MRPL37: variants seen among roughly 807,000 people sequenced by gnomAD.
MRPL37 encodes large ribosomal subunit protein mL37.
Under a neutral mutation model 44.1 loss-of-function variants are expected in MRPL37, and 34 were observed. The observed-to-expected ratio is 0.77, with a 90% CI of 0.59 to 1.03. MRPL37 has a LOEUF of 1.03. Ranked by LOEUF, MRPL37 falls within the 50% of genes least tolerant of loss-of-function variation. The pLI, the probability that MRPL37 is intolerant of heterozygous loss-of-function variation, is 0.00. For missense variants in MRPL37, 532 were observed against 543.7 expected, an observed-to-expected ratio of 0.98 and a Z score of 0.21; for synonymous variants, 212 against 219.5, an observed-to-expected ratio of 0.97 and a Z score of 0.30.
Position 54,205,048 on chromosome 1 carries a change from C to T in MRPL37, c.377C>T (p.Thr126Ile), listed in dbSNP as rs1242364212. ...GVKQALWLTK[T>I]KLIEGLPEKV... ...AAGCAGGCCCTCTGGCTCACCAAGA[C>T]CAAGTTAATAGAAGGCCTTCCCGAG... Residue 126 changes from threonine (T) to isoleucine (I), a missense_variant, in exon 2 of 7, where the codon ACC becomes ATC. Transcript: ENST00000360840. 10 of 1,614,162 alleles carry T rather than the reference C, an allele frequency of 6.2e-6. No homozygotes were observed. The highest frequency in any genetic ancestry group is 8.5e-6 in the Non-Finnish European group (10 of 1,180,032).
In MRPL37 at chr1:54,212,505, C is replaced by T. The variant is rs1570148651; in HGVS notation, c.837C>T (p.Phe279=). 5 of 1,613,834 alleles carry T rather than the reference C, an allele frequency of 3.1e-6. No homozygotes were observed. The change falls in exon 5 of 7, where the codon TTC becomes TTT. Residue 279 remains phenylalanine, a synonymous_variant. Transcript: ENST00000360840. ...ACATAATTGTGTCTCTTGCAGGATTCCAGGAAGGCTATCCTTACCCCTATC... is the reference window on the plus strand; with the variant it reads ...ACATAATTGTGTCTCTTGCAGGATTTCAGGAAGGCTATCCTTACCCCTATC... ...NIYDVKNDTG[F]QEGYPYPYPH...
downstream of MRPL37, among the ~76,000 whole-genome samples, chr1:54,223,242 T>C (rs979534804): frequency 6.6e-6 from 1 of 152,184 alleles, no homozygotes; most frequent in Non-Finnish European, 1.5e-5. Context: ...CTCATCCGCC[T>C]GTAACCCCAC....
At chr1:54,221,704 A>G (rs113429749), downstream of MRPL37, among the ~76,000 whole-genome samples, 73 of 152,052 alleles carry the variant, frequency 4.8e-4, no homozygotes, top group African/African-American at 1.6e-3. Flanking sequence ...AGACATGTGC[A>G]CACACACACA....
At position 54,212,870 on chromosome 1, in the gene MRPL37, A is replaced by G. The variant is rs182259592; in HGVS notation, c.990+212A>G. 1.5e-4 allele frequency among the ~76,000 whole-genome samples: 23 copies of G among 152,354 alleles called. 1 individual carries two copies. Among genetic ancestry groups the G allele is most frequent in the Non-Finnish European group, 2.9e-4 (20 of 68,040 alleles). On this transcript the variant is annotated intron_variant, in intron 5 of 6. Transcript: ENST00000360840. ...TCACCTAAGTAGCTCACTTGATCAC[A>G]GTAGCCCACATGTTTTTACTGAAGT...
downstream of MRPL37, among the ~76,000 whole-genome samples, chr1:54,219,128 C>T (rs569355842): frequency 5.0e-4 from 76 of 152,328 alleles, no homozygotes; most frequent in African/African-American, 1.8e-3. Flanking sequence ...AGGCCTCACC[C>T]AGTTCATGGG....
chr1:54,216,403 G>A (rs2100515663), intron 6 of MRPL37, 59 bp downstream of exon 6: 2 of 1,573,030 alleles, frequency 1.3e-6, no homozygotes, highest in South Asian at 2.3e-5. Context: ...TACCTGGTGT[G>A]AGCCTCAGGT....
At position 54,209,929 on chromosome 1, in the gene MRPL37, A is replaced by G; in HGVS notation, c.647-17A>G. The G allele has an allele frequency of 6.2e-7, 1 of 1,612,504 alleles. No individual in the cohort carries two copies. Among genetic ancestry groups the G allele is most frequent in the Non-Finnish European group, 8.5e-7 (1 of 1,179,306 alleles). ...CCTTTAGTACCAGGTTAGAGTAACC[A>G]TTTTTCTCCCTTTTAGAGTCTCTTC... On this transcript the variant is annotated splice_polypyrimidine_tract_variant and intron_variant, in intron 3 of 6. Coordinates refer to ENST00000360840, the MANE Select transcript of MRPL37 (RefSeq NM_016491.4).
At position 54,200,232 on chromosome 1, in the gene MRPL37, T is replaced by C; in HGVS notation, c.-12T>C. The C allele has an allele frequency of 6.4e-7, 1 of 1,552,934 alleles. No homozygotes were observed. The highest frequency in any genetic ancestry group is 8.7e-7 in the Non-Finnish European group (1 of 1,155,116). On this transcript the variant is annotated 5_prime_UTR_variant, in exon 1 of 7. Transcript: ENST00000360840. Reference sequence around the variant, plus strand: ...GGGGTCCAGGTGGAGGTCTTGAGGCTATCAGATCGGTATGGCATTGGCGTC... The same window carrying C: ...GGGGTCCAGGTGGAGGTCTTGAGGCCATCAGATCGGTATGGCATTGGCGTC...
intron 3 of MRPL37, among the ~76,000 whole-genome samples, chr1:54,208,992 G>A (rs1644144706): frequency 6.6e-6 from 1 of 152,230 alleles, no homozygotes; most frequent in Non-Finnish European, 1.5e-5. Flanking sequence ...TAGTGCTGCA[G>A]TTGAGAATCT....
downstream of MRPL37, among the ~76,000 whole-genome samples, chr1:54,220,096 AGAG>A (rs1644223015): frequency 6.6e-6 from 1 of 152,012 alleles, no homozygotes; most frequent in African/African-American, 2.4e-5. Flanking sequence ...TTGGGAGTAC[AGAG>A]GAGGAGCTGG....
At chr1:54,220,649 C>G (rs1461307682), downstream of MRPL37, 1 of 471,894 alleles carries the variant, frequency 2.1e-6, no homozygotes, top group South Asian at 1.5e-5. Flanking sequence ...TGTCTACCAG[C>G]TTCGTCCTCA....
At chr1:54,214,574 A>G (rs369737603) in intron 5 of MRPL37, among the ~76,000 whole-genome samples, 9 of 152,266 alleles carry the variant, frequency 5.9e-5, no homozygotes, top group African/African-American at 1.9e-4. Flanking sequence ...CAGGCAGGAG[A>G]AGGAGGCAGA....
At chr1:54,218,433 C>A, downstream of MRPL37, 1 of 1,433,042 alleles carries the variant, frequency 7.0e-7, no homozygotes, top group Non-Finnish European at 9.1e-7. Context: ...CACACAAGTC[C>A]AAGCCCTGGA....
At chr1:54,207,262 C>G (rs2100505518) in intron 3 of MRPL37, 1 of 152,376 alleles carries the variant, frequency 6.6e-6, no homozygotes, top group East Asian at 1.9e-4. Flanking sequence ...GGGACCATAT[C>G]TTACTCACAT....
chr1:54,205,254 C>T (rs748094027), intron 2 of MRPL37, 41 bp from the exon 3 acceptor site: 1 of 1,607,642 alleles, frequency 6.2e-7, no homozygotes, highest in Non-Finnish European at 8.5e-7. Flanking sequence ...TCGAGTCGAC[C>T]TGTTGCTTTA....
chr1:54,205,183 C>T lies in MRPL37; in HGVS notation c.512C>T (p.Pro171Leu). The change falls in exon 2 of 7, where the codon CCC becomes CTC. Residue 171 changes from proline to leucine, a missense_variant. Transcript: ENST00000360840. The part of the protein sequence containing the change: ...ARLWQTTEEI[P>L]KRETYCPVIV... Reference sequence around the variant, plus strand: ...CTCTGGCAGACCACTGAGGAAATCCCCAAGAGAGAGACCTACTGGTAAGTT... The same window carrying T: ...CTCTGGCAGACCACTGAGGAAATCCTCAAGAGAGAGACCTACTGGTAAGTT... The T allele has an allele frequency of 1.9e-6, 3 of 1,613,546 alleles. No homozygotes were observed. The highest frequency in any genetic ancestry group is 2.5e-6 in the Non-Finnish European group (3 of 1,179,588).
chr1:54,224,191 C>T (rs936573173), downstream of MRPL37, among the ~76,000 whole-genome samples: 64 of 152,192 alleles, frequency 4.2e-4, 1 homozygote, highest in East Asian at 1.9e-4. Flanking sequence ...ACAGGTTAGT[C>T]GCAGCCTCAG....
intron 4 of MRPL37, 152 bp downstream of exon 4, chr1:54,210,283 A>T: frequency 1.5e-6 from 1 of 677,168 alleles, no homozygotes; most frequent in Non-Finnish European, 2.4e-6. Flanking sequence ...CCATGAGACA[A>T]GTACTATTAT....
At chr1:54,221,406 CAG>C (rs1479931990), downstream of MRPL37, among the ~76,000 whole-genome samples, 1 of 152,188 alleles carries the variant, frequency 6.6e-6, no homozygotes, top group Non-Finnish European at 1.5e-5. Context: ...CATGGACACT[CAG>C]ATGTCCATGA....
Sources: gnomAD v4.1 joint callset for allele counts (sites outside exome capture counted in the v4.1 genomes callset) on GRCh38, gnomAD v4.1.1 for gene constraint, MANE v1.5 for transcripts, NCBI Gene and HGNC (gene_info 2026-07-23, HGNC 2026-07-21) for gene names.